GRIP2: variants seen among roughly 807,000 people sequenced by gnomAD.
GRIP2 encodes the protein glutamate receptor interacting protein 2, also known as glutamate receptor-interacting protein 2.
In GRIP2, 58 loss-of-function variants were observed where a neutral mutation model predicts 108.3. That is an observed-to-expected ratio of 0.54 (90% confidence interval 0.43 to 0.67). The LOEUF is 0.67. GRIP2 is among the 30% of genes least tolerant of loss of function. GRIP2 has a pLI of 0.00. For synonymous variants in GRIP2, 586 were observed against 598.2 expected (o/e 0.98, Z 0.30); for missense variants, 1,278 against 1,430.6 (o/e 0.89, Z 1.72).
intron 9 of GRIP2, among the ~76,000 whole-genome samples, chr3:14,519,587 C>A (rs1489264340): frequency 1.3e-5 from 2 of 152,102 alleles, no homozygotes; most frequent in Non-Finnish European, 1.5e-5. Context: ...TCTGTGGCCA[C>A]CCCCCACCCT....
At chr3:14,578,548 C>T in the GRIP2 span, among the ~76,000 whole-genome samples, 1 of 152,034 alleles carries the variant, frequency 6.6e-6, no homozygotes, top group South Asian at 2.1e-4. Context: ...GAAATCCCGT[C>T]TCTACTAAAA....
intron 3 of GRIP2, 135 bp downstream of exon 3, chr3:14,525,302 C>T (rs1694523141): frequency 9.2e-7 from 1 of 1,082,782 alleles, no homozygotes; most frequent in African/African-American, 1.6e-5. Context: ...CTGCAGACAC[C>T]AAGTTGATGG....
chr3:14,496,673 A>G (rs1022975101), intron 21 of GRIP2, 113 bp from the exon 22 acceptor site: 1 of 1,407,760 alleles, frequency 7.1e-7, no homozygotes, highest in African/African-American at 1.4e-5. Context: ...GGTGAACAGG[A>G]CAGACATGGT....
chr3:14,572,691 G>C, the GRIP2 span, among the ~76,000 whole-genome samples: 1 of 151,304 alleles, frequency 6.6e-6, no homozygotes, highest in Non-Finnish European at 1.5e-5. Flanking sequence ...CAGTACAAGG[G>C]GTTCAACAGA....
intron 17 of GRIP2, among the ~76,000 whole-genome samples, chr3:14,508,862 A>T (rs535022053): frequency 3.3e-5 from 5 of 152,262 alleles, no homozygotes; most frequent in Non-Finnish European, 5.9e-5. Context: ...TGGCTACTAG[A>T]AAGTGTCTGA....
the GRIP2 span, among the ~76,000 whole-genome samples, chr3:14,602,901 A>G: frequency 6.7e-6 from 1 of 149,370 alleles, no homozygotes; most frequent in Non-Finnish European, 1.5e-5. This position sits in a 1 kb window ranked among gnomAD's most constrained non-coding sequence, Gnocchi z 4.7. Flanking sequence ...GCGCGCGCTC[A>G]CCGGCCGGGC....
chr3:14,493,000 T>C lies in GRIP2; in HGVS notation c.*665A>G, dbSNP rs1389402739. 1 of 152,212 alleles carries C rather than the reference T, an allele frequency of 6.6e-6. No homozygotes were observed. The highest frequency in any genetic ancestry group is 1.5e-5 in the Non-Finnish European group (1 of 68,042). 9.4% of individuals were successfully genotyped at this position (152,212 alleles called of 1,614,324 possible). ...CGCCCCAACTTAAGAGTCTCATAAGTGGGGACCAGATTCTGGGAATCTCAG... is the reference window on the plus strand; with the variant it reads ...CGCCCCAACTTAAGAGTCTCATAAGCGGGGACCAGATTCTGGGAATCTCAG... On this transcript the variant is annotated 3_prime_UTR_variant, in exon 24 of 24. Coordinates refer to ENST00000621039, the MANE Select transcript of GRIP2 (RefSeq NM_001080423.4).
rs1315036203 is a variant in GRIP2, at chr3:14,492,509, C to T, written c.*1156G>A. ...TGATTTTAAGGGATGCTGGTGCTTC[C>T]AGATTTCAAGTGGGAATAGACTTCT... On this transcript the variant is annotated 3_prime_UTR_variant, in exon 24 of 24. Transcript: ENST00000621039. 6.6e-6 allele frequency: 1 copy of T among 152,236 alleles called. No individual in the cohort carries two copies. Among genetic ancestry groups the T allele is most frequent in the East Asian group, 1.9e-4 (1 of 5,188 alleles). 9.4% of individuals were successfully genotyped at this position (152,236 alleles called of 1,614,324 possible).
chr3:14,526,160 A>G (rs1036221985), intron 1 of GRIP2, among the ~76,000 whole-genome samples: 9 of 152,144 alleles, frequency 5.9e-5, no homozygotes, highest in Non-Finnish European at 7.4e-5. Flanking sequence ...ACTACACTAC[A>G]TATTGGGAGC....
At position 14,493,835 on chromosome 3, in the gene GRIP2, G is replaced by C. The variant is rs1449922974; in HGVS notation, c.2971-9C>G. 2 of 1,608,606 alleles carry C rather than the reference G, an allele frequency of 1.2e-6. No individual in the cohort carries two copies. Among genetic ancestry groups the C allele is most frequent in the Non-Finnish European group, 1.7e-6 (2 of 1,176,182 alleles). On this transcript the variant is annotated splice_polypyrimidine_tract_variant and intron_variant, in intron 23 of 23. Coordinates refer to ENST00000621039, the MANE Select transcript of GRIP2 (RefSeq NM_001080423.4). ...GTACGGACGTGGTTGACCTGCATGG[G>C]GCACAAGCAAGGGAACAGAACCGAG...
At chr3:14,587,632 C>T in the GRIP2 span, among the ~76,000 whole-genome samples, 2 of 128,100 alleles carry the variant, frequency 1.6e-5, no homozygotes, top group Non-Finnish European at 3.3e-5. Context: ...GAGTGAGATG[C>T]CATCTCCAAA....
upstream of GRIP2, among the ~76,000 whole-genome samples, chr3:14,546,786 C>G (rs970577048): frequency 6.6e-6 from 1 of 152,134 alleles, no homozygotes; most frequent in African/African-American, 2.4e-5. Flanking sequence ...ATGGCAAATG[C>G]TGGAAATGCA....
At chr3:14,559,209 C>T (rs1010690249), upstream of GRIP2, among the ~76,000 whole-genome samples, 1 of 152,016 alleles carries the variant, frequency 6.6e-6, no homozygotes, top group Non-Finnish European at 1.5e-5. Context: ...GAGAGTGAAA[C>T]GGGATCAAAT....
chr3:14,516,247 C>T (rs1694244839), intron 11 of GRIP2, among the ~76,000 whole-genome samples: 1 of 152,118 alleles, frequency 6.6e-6, no homozygotes, highest in South Asian at 2.1e-4. Context: ...CTTTGGCTGC[C>T]AGGGAGTGTA....
intron 17 of GRIP2, among the ~76,000 whole-genome samples, chr3:14,509,079 A>AGGGGG (rs1694010157): frequency 6.6e-6 from 1 of 152,138 alleles, no homozygotes; most frequent in Non-Finnish European, 1.5e-5. Flanking sequence ...GGTGTCCAGC[A>AGGGGG]GGGGGCGCTC....
At chr3:14,562,157 C>A in the GRIP2 span, among the ~76,000 whole-genome samples, 2 of 152,204 alleles carry the variant, frequency 1.3e-5, no homozygotes, top group Non-Finnish European at 2.9e-5. Flanking sequence ...GCTGGTCCCC[C>A]CAGAACCCAG....
the GRIP2 span, chr3:14,573,223 T>C: frequency 7.1e-7 from 1 of 1,405,288 alleles, no homozygotes; most frequent in Non-Finnish European, 1.0e-6. Flanking sequence ...AAGAGCTCCA[T>C]GAAGAGGCAG....
chr3:14,545,615 T>C (rs992359001), upstream of GRIP2, among the ~76,000 whole-genome samples: 1 of 152,204 alleles, frequency 6.6e-6, no homozygotes, highest in Non-Finnish European at 1.5e-5. Context: ...GGACAGGACA[T>C]GGGAGCACAG....
intron 1 of GRIP2, among the ~76,000 whole-genome samples, chr3:14,529,228 G>A (rs1478219721): frequency 2.7e-5 from 4 of 146,602 alleles, no homozygotes; most frequent in South Asian, 2.1e-4. Flanking sequence ...GCAGTGAGCC[G>A]AGACCGTGCC....
Sources: allele counts gnomAD v4.1 joint callset (sites outside exome capture counted in the v4.1 genomes callset), GRCh38; gene constraint gnomAD v4.1.1; non-coding constraint Gnocchi (gnomAD v3.1); transcripts MANE v1.5; gene names NCBI Gene and HGNC (gene_info 2026-07-23, HGNC 2026-07-21).